NRG1: variants seen among roughly 807,000 people sequenced by gnomAD.
The protein encoded by NRG1 is pro-neuregulin-1, membrane-bound isoform.
NRG1 carries 18 observed loss-of-function variants against 63.8 expected under a neutral mutation model. The observed-to-expected ratio is 0.28, with a 90% CI of 0.19 to 0.42. NRG1 has a LOEUF of 0.42. Among genes scored for constraint, NRG1 ranks in the 10% least tolerant of loss-of-function variants. The pLI, the probability that NRG1 is intolerant of heterozygous loss-of-function variation, is 1.00. For missense variants in NRG1, 762 were observed against 814.7 expected (o/e 0.94, Z 0.79); for synonymous variants, 302 against 301.3 (o/e 1.00, Z -0.02).
intron 1 of NRG1, among the ~76,000 whole-genome samples, chr8:32,541,610 A>G (rs1588178530): frequency 6.6e-6 from 1 of 152,148 alleles, no homozygotes; most frequent in African/African-American, 2.4e-5. Context: ...TAACATCATT[A>G]TAAATTTAAC....
At chr8:32,078,114 A>G (rs182690980) in intron 1 of NRG1, among the ~76,000 whole-genome samples, 26 of 152,284 alleles carry the variant, frequency 1.7e-4, no homozygotes, top group African/African-American at 6.3e-4. Flanking sequence ...GAGTTTAGAT[A>G]TTTGTCCCCT....
At chr8:32,137,005 A>G (rs554911852) in intron 1 of NRG1, among the ~76,000 whole-genome samples, 2 of 152,328 alleles carry the variant, frequency 1.3e-5, no homozygotes, top group South Asian at 2.1e-4. Flanking sequence ...TACATTTTAC[A>G]GAGGCATATA....
intron 1 of NRG1, among the ~76,000 whole-genome samples, chr8:31,798,198 G>A (rs1162394370): frequency 4.6e-5 from 7 of 152,098 alleles, no homozygotes; most frequent in Non-Finnish European, 4.4e-5. Flanking sequence ...TCAAAGATCT[G>A]GGGGAGAAGG....
At chr8:31,944,440 A>G (rs906398873) in intron 1 of NRG1, among the ~76,000 whole-genome samples, 1 of 152,208 alleles carries the variant, frequency 6.6e-6, no homozygotes, top group South Asian at 2.1e-4. Context: ...AGTAAGAGAC[A>G]GTGCTGGGAT....
intron 1 of NRG1, among the ~76,000 whole-genome samples, chr8:31,643,439 A>C (rs964260322): frequency 6.6e-6 from 1 of 152,236 alleles, no homozygotes; most frequent in African/African-American, 2.4e-5. Context: ...TGAGTTAATA[A>C]AAATCTTTCC....
chr8:32,283,992 G>A (rs911630059), intron 1 of NRG1, among the ~76,000 whole-genome samples: 3 of 152,114 alleles, frequency 2.0e-5, no homozygotes, highest in Non-Finnish European at 4.4e-5. Context: ...TGGAGGACCT[G>A]GTGCTTAAGA....
At chr8:31,806,323 C>T (rs773020835) in intron 1 of NRG1, among the ~76,000 whole-genome samples, 1 of 152,014 alleles carries the variant, frequency 6.6e-6, no homozygotes, top group Non-Finnish European at 1.5e-5. Context: ...ATAAATGAAA[C>T]CTGATATTAA....
intron 1 of NRG1, among the ~76,000 whole-genome samples, chr8:32,449,468 T>C (rs6996957): frequency 0.63 from 95,325 of 151,368 alleles, 30,710 homozygotes; most frequent in Admixed American, 0.71. Flanking sequence ...AAAATTGCTG[T>C]TGCTCCATTT....
intron 1 of NRG1, among the ~76,000 whole-genome samples, chr8:31,664,896 A>T (rs768204858): frequency 6.6e-6 from 1 of 152,236 alleles, no homozygotes; most frequent in African/African-American, 2.4e-5. Context: ...TTGTAATCTA[A>T]ATGTGGAGAC....
At chr8:32,437,777 A>G (rs1818974297) in intron 1 of NRG1, among the ~76,000 whole-genome samples, 1 of 152,154 alleles carries the variant, frequency 6.6e-6, no homozygotes, top group Admixed American at 6.6e-5. Context: ...TTTCAGTAGG[A>G]CATATCTGAT....
chr8:32,674,565 G>A (rs1400641747), intron 5 of NRG1, among the ~76,000 whole-genome samples: 1 of 152,156 alleles, frequency 6.6e-6, no homozygotes, highest in Non-Finnish European at 1.5e-5. Flanking sequence ...GCTTGAATAT[G>A]TTCTCTGATG....
At chr8:32,539,903 A>G (rs1400386775) in intron 1 of NRG1, among the ~76,000 whole-genome samples, 1 of 152,210 alleles carries the variant, frequency 6.6e-6, no homozygotes, top group Non-Finnish European at 1.5e-5. Flanking sequence ...TAGGCATAAA[A>G]AGGATTAAAA....
intron 5 of NRG1, chr8:32,646,729 C>T (rs1322937111): frequency 1.0e-6 from 1 of 985,258 alleles, no homozygotes; most frequent in Non-Finnish European, 1.2e-6. Context: ...GCCATGGGGA[C>T]TAGGCTTAAC....
intron 1 of NRG1, among the ~76,000 whole-genome samples, chr8:32,470,503 C>T (rs897033309): frequency 3.3e-5 from 5 of 152,176 alleles, no homozygotes; most frequent in African/African-American, 1.2e-4. Flanking sequence ...CGCGCCCGAC[C>T]ATGAAAAGGA....
chr8:32,194,849 T>C (rs1017843074), intron 1 of NRG1, among the ~76,000 whole-genome samples: 3 of 152,020 alleles, frequency 2.0e-5, no homozygotes, highest in African/African-American at 4.8e-5. Context: ...CGATGACTAC[T>C]GCAAGGATGA....
intron 1 of NRG1, among the ~76,000 whole-genome samples, chr8:32,366,673 G>C (rs927902324): frequency 2.3e-5 from 1 of 42,982 alleles, no homozygotes; most frequent in South Asian, 9.1e-4. Flanking sequence ...GTGTGTGTGT[G>C]TGTGTATATA....
chr8:32,765,349 G>A (rs903720782), exon 12 of NRG1: 1 of 152,170 alleles, frequency 6.6e-6, no homozygotes, highest in African/African-American at 2.4e-5. Context: ...TCAAAAAGAA[G>A]CATATTACGG....
intron 1 of NRG1, chr8:32,441,103 A>T (rs2129487435): frequency 6.6e-6 from 1 of 152,280 alleles, no homozygotes; most frequent in South Asian, 2.1e-4. Flanking sequence ...TCAGTTTTAG[A>T]TATTGGTATT....
upstream of NRG1, among the ~76,000 whole-genome samples, chr8:32,546,503 C>T (rs969371754): frequency 1.3e-5 from 2 of 152,168 alleles, no homozygotes; most frequent in Non-Finnish European, 2.9e-5. Context: ...CTATTTCCTG[C>T]TTACTGAGCA....
Sources: allele counts gnomAD v4.1 joint callset (sites outside exome capture counted in the v4.1 genomes callset), GRCh38; gene constraint gnomAD v4.1.1; transcripts MANE v1.5; gene names NCBI Gene and HGNC (gene_info 2026-07-23, HGNC 2026-07-21).